Variants in PI4KA observed in about 807,000 individuals in gnomAD.
PI4KA encodes the protein phosphatidylinositol 4-kinase alpha.
Under a neutral mutation model 271.4 loss-of-function variants are expected in PI4KA, and 122 were observed. The ratio of observed to expected loss-of-function variants is 0.45; its 90% CI spans 0.39 to 0.52. The LOEUF is 0.52. Among genes scored for constraint, PI4KA ranks in the 20% least tolerant of loss-of-function variants. PI4KA has a pLI of 0.00. For synonymous variants in PI4KA, 1,041 were observed against 1,078.8 expected (o/e 0.96, Z 0.69); for missense variants, 1,969 against 2,769.1 (o/e 0.71, Z 6.48).
chr22:20,765,296 T>C (rs1932421468), intron 20 of PI4KA, 60 bp from the exon 21 acceptor site: 1 of 1,503,662 alleles, frequency 6.7e-7, no homozygotes, highest in Non-Finnish European at 9.0e-7. Flanking sequence ...TGCAGTGAGG[T>C]TGACTGACAA....
rs200302585 is a variant in PI4KA, at chr22:20,729,394, C to G, written c.4601G>C (p.Ser1534Thr). 3.1e-6 allele frequency: 5 copies of G among 1,614,138 alleles called. No homozygotes were observed. The highest frequency in any genetic ancestry group is 4.2e-6 in the Non-Finnish European group (5 of 1,179,990). The change falls in exon 39 of 55, where the codon AGC becomes ACC. Residue 1534 changes from serine (S) to threonine (T), a missense_variant. Physicochemically the swap from Ser to Thr is moderately conservative, Grantham distance 58. Around this residue, in one of 13 missense-constraint regions of PI4KA, gnomAD observed 388 missense variants for 521.5 expected, o/e 0.74. Coordinates refer to ENST00000255882, the MANE Select transcript of PI4KA (RefSeq NM_058004.4). ...GTCCTTCCACTGCTTCTCACTCAGG[C>G]TGATGTACTTAGATCTCCAGTTGGC... Reference protein sequence around the residue: ...SVANWRSKYISLSEKQWKDNV... With the variant: ...SVANWRSKYITLSEKQWKDNV...
rs752846058 is a variant in PI4KA, at chr22:20,752,858, G to A, written c.2987+45C>T. 8 of 1,590,528 alleles carry A rather than the reference G, an allele frequency of 5.0e-6. No individual in the cohort carries two copies. In the South Asian group the frequency reaches 8.9e-5, roughly 18 times the overall value. On this transcript the variant is annotated intron_variant, in intron 25 of 54. Transcript: ENST00000255882. The stretch of plus-strand genomic sequence containing the variant: ...TTTCCCAGCATTTGAAATCACAGAA[G>A]TTTATATACATACACACAAAACATT...
chr22:20,854,881 G>T (rs1329503459), intron 1 of PI4KA, among the ~76,000 whole-genome samples: 2 of 152,186 alleles, frequency 1.3e-5, no homozygotes, highest in Admixed American at 6.5e-5. Flanking sequence ...GCCGGGCGTG[G>T]TGGCTCACGC....
chr22:20,836,721 A>C (rs781395441), intron 2 of PI4KA, among the ~76,000 whole-genome samples: 1 of 152,184 alleles, frequency 6.6e-6, no homozygotes, highest in African/African-American at 2.4e-5. Flanking sequence ...AAAGCATGCT[A>C]GGCTTCTCTC....
chr22:20,764,933 G>T lies in PI4KA; in HGVS notation c.2592C>A (p.Leu864=). 1.2e-6 allele frequency: 2 copies of T among 1,610,178 alleles called. No homozygotes were observed. Among genetic ancestry groups the T allele is most frequent in the Non-Finnish European group, 1.7e-6 (2 of 1,177,070 alleles). The part of the protein sequence containing the change: ...DTVTPAELSE[L]RSTIINLLDP... ...CCAGCAGGTTGATGATAGTGCTGCG[G>T]AGCTCACTCAGCTCAGCCTGGAGGG... is the stretch of plus-strand genomic sequence containing the variant. Residue 864 remains leucine (L), a synonymous_variant, in exon 22 of 55, where the codon CTC becomes CTA. Coordinates refer to ENST00000255882, the MANE Select transcript of PI4KA (RefSeq NM_058004.4).
At chr22:20,846,921 G>T (rs527534473) in intron 1 of PI4KA, among the ~76,000 whole-genome samples, 1 of 151,674 alleles carries the variant, frequency 6.6e-6, no homozygotes, top group Non-Finnish European at 1.5e-5. Flanking sequence ...GCCGAAGTGG[G>T]TGGATCATGA....
chr22:20,847,012 G>A (rs1294119950), intron 1 of PI4KA, among the ~76,000 whole-genome samples: 1 of 151,770 alleles, frequency 6.6e-6, no homozygotes, highest in African/African-American at 2.4e-5. Flanking sequence ...GCTGGGTGTG[G>A]TGCAACGCGC....
At chr22:20,773,041 A>C (rs1932957426) in intron 19 of PI4KA, among the ~76,000 whole-genome samples, 1 of 152,088 alleles carries the variant, frequency 6.6e-6, no homozygotes, top group Non-Finnish European at 1.5e-5. Flanking sequence ...CAGTGAGCCA[A>C]GATCACGCCA....
At chr22:20,729,810 T>C in intron 37 of PI4KA, 82 bp downstream of exon 37, 1 of 1,592,972 alleles carries the variant, frequency 6.3e-7, no homozygotes, top group South Asian at 1.1e-5. Flanking sequence ...TGTTCTGCTG[T>C]CTGAGCAAGT....
chr22:20,717,389 C>A (rs1490003068), intron 45 of PI4KA, among the ~76,000 whole-genome samples: 1 of 152,272 alleles, frequency 6.6e-6, no homozygotes, highest in Non-Finnish European at 1.5e-5. Flanking sequence ...GTCTGTGTGA[C>A]CTGCTCCTGT....
intron 10 of PI4KA, among the ~76,000 whole-genome samples, chr22:20,806,822 C>T (rs1179304349): frequency 6.6e-6 from 1 of 151,904 alleles, no homozygotes; most frequent in Non-Finnish European, 1.5e-5. Flanking sequence ...CCTCCGCCTC[C>T]CAAGTTCAAG....
chr22:20,857,531 C>A (rs994404025), intron 1 of PI4KA, among the ~76,000 whole-genome samples: 77 of 152,210 alleles, frequency 5.1e-4, no homozygotes, highest in African/African-American at 1.8e-3. Context: ...ATCCTCTCTC[C>A]ATGTGCCAAA....
intron 32 of PI4KA, chr22:20,734,799 T>C (rs543534236): frequency 2.3e-5 from 14 of 606,748 alleles, no homozygotes; most frequent in South Asian, 4.1e-5. Flanking sequence ...CGTGTGGACA[T>C]TGCAGGTGTG....
At chr22:20,845,600 C>G (rs1259182845) in intron 1 of PI4KA, among the ~76,000 whole-genome samples, 1 of 152,182 alleles carries the variant, frequency 6.6e-6, no homozygotes, top group Non-Finnish European at 1.5e-5. Flanking sequence ...TGACTCAGAG[C>G]TATCATGATA....
In PI4KA at chr22:20,721,310, G is replaced by A; in HGVS notation, c.5104C>T (p.His1702Tyr). Residue 1702 changes from histidine to tyrosine, a missense_variant, in exon 43 of 55, where the codon CAC (histidine) becomes TAC (tyrosine). By Grantham distance (83) the His-to-Tyr change is moderately conservative. Around this residue, in one of 13 missense-constraint regions of PI4KA, gnomAD observed 388 missense variants for 521.5 expected, o/e 0.74. Coordinates refer to ENST00000255882, the MANE Select transcript of PI4KA (RefSeq NM_058004.4). ...KTNIYLDEEG[H>Y]QKDPDIGDLL... ...ACAAAATACTCACGGTCTTTCTGGT[G>A]GCCCTCTTCATCTAGATAAATGTTA... 6.2e-7 allele frequency: 1 copy of A among 1,614,000 alleles called. No homozygotes were observed. Among genetic ancestry groups the A allele is most frequent in the Non-Finnish European group, 8.5e-7 (1 of 1,179,962 alleles).
At chr22:20,774,545 G>A (rs532164137) in intron 19 of PI4KA, among the ~76,000 whole-genome samples, 5 of 152,188 alleles carry the variant, frequency 3.3e-5, no homozygotes, top group African/African-American at 7.2e-5. Context: ...GGTGGATCAC[G>A]AGGTCAGGAG....
intron 3 of PI4KA, among the ~76,000 whole-genome samples, chr22:20,825,143 G>A (rs1307919614): frequency 1.3e-5 from 2 of 150,426 alleles, no homozygotes; most frequent in Non-Finnish European, 2.9e-5. Flanking sequence ...CTATTTAATA[G>A]CTATATTCAT....
chr22:20,790,741 C>A (rs201385347), intron 19 of PI4KA, among the ~76,000 whole-genome samples: 16 of 130,432 alleles, frequency 1.2e-4, no homozygotes, highest in African/African-American at 4.1e-4. Context: ...CACACACACA[C>A]AACAAAAAAA....
Position 20,749,932 on chromosome 22 carries a change from T to C in PI4KA, c.3216A>G (p.Ala1072=), listed in dbSNP as rs1444069479. 1.2e-6 allele frequency: 2 copies of C among 1,612,326 alleles called. No homozygotes were observed. The highest frequency in any genetic ancestry group is 1.7e-6 in the Non-Finnish European group (2 of 1,178,470). Residue 1072 remains alanine (A), a synonymous_variant, in exon 28 of 55, where the codon GCA becomes GCG. Coordinates refer to ENST00000255882, the MANE Select transcript of PI4KA (RefSeq NM_058004.4). ...GCAGGTGGGACTTGGTGACGGTAGG[T>C]GCCCACTTCATGGCCTCCTGGAGGA... ...GMILQEAMKW[A]PTVTKSHLQE...
Sources: allele counts gnomAD v4.1 joint callset (sites outside exome capture counted in the v4.1 genomes callset), GRCh38; gene constraint gnomAD v4.1.1; regional missense constraint gnomAD v4.1.1; transcripts MANE v1.5; gene names NCBI Gene and HGNC (gene_info 2026-07-23, HGNC 2026-07-21).